The following PLXNC1 variants were observed in gnomAD, a reference collection of about 807,000 sequenced individuals.
The protein encoded by PLXNC1 is plexin-C1.
Under a neutral mutation model 178.2 loss-of-function variants are expected in PLXNC1, and 75 were observed. That is an observed-to-expected ratio of 0.42 (90% CI 0.35 to 0.51). The LOEUF is 0.51. PLXNC1 is among the 20% of genes least tolerant of loss of function. The probability of loss-of-function intolerance (pLI) is 0.02; values close to 1 mark genes in which losing one functional copy is unlikely to be tolerated. For missense variants in PLXNC1, 1,503 were observed against 1,984.4 expected (o/e 0.76, Z 4.61); for synonymous variants, 790 against 779.9 (o/e 1.01, Z -0.22).
intron 23 of PLXNC1, among the ~76,000 whole-genome samples, chr12:94,291,769 A>ATTCTT (rs1967353323): frequency 6.6e-6 from 1 of 152,120 alleles, no homozygotes; most frequent in South Asian, 2.1e-4. Flanking sequence ...CATTTCGTAT[A>ATTCTT]TTCTTTTTAG....
chr12:94,179,018 A>G (rs963964884), intron 2 of PLXNC1, among the ~76,000 whole-genome samples: 1 of 152,230 alleles, frequency 6.6e-6, no homozygotes, highest in African/African-American at 2.4e-5. Flanking sequence ...ATTTGCACCA[A>G]ATCCACCTGG....
intron 16 of PLXNC1, 138 bp downstream of exon 16, chr12:94,255,026 C>T: frequency 1.1e-6 from 1 of 920,222 alleles, no homozygotes; most frequent in Non-Finnish European, 1.7e-6. Context: ...GGGCCTGGGC[C>T]TGGCTTTGTG....
intron 4 of PLXNC1, among the ~76,000 whole-genome samples, chr12:94,200,099 G>GT (rs772442545): frequency 5.9e-5 from 9 of 152,168 alleles, no homozygotes; most frequent in Non-Finnish European, 1.2e-4. Flanking sequence ...AGCCAGGTTT[G>GT]TTTTTTGTTT....
chr12:94,202,983 C>T (rs114439268), intron 4 of PLXNC1, among the ~76,000 whole-genome samples: 29 of 152,152 alleles, frequency 1.9e-4, no homozygotes, highest in African/African-American at 7.0e-4. Flanking sequence ...CAGCTCTGTG[C>T]GTAAGAGTAA....
At chr12:94,282,048 A>G in intron 22 of PLXNC1, 2 of 415,368 alleles carry the variant, frequency 4.8e-6, no homozygotes, top group Non-Finnish European at 8.9e-6. Context: ...CATAGAATGC[A>G]TTATTTTGTC....
chr12:94,283,596 A>G (rs909260325), intron 23 of PLXNC1, among the ~76,000 whole-genome samples: 3 of 152,232 alleles, frequency 2.0e-5, no homozygotes, highest in Non-Finnish European at 4.4e-5. Flanking sequence ...CTGAGCGTTC[A>G]GGGATGAGAG....
At chr12:94,166,767 T>C (rs940354120) in intron 1 of PLXNC1, among the ~76,000 whole-genome samples, 2 of 151,774 alleles carry the variant, frequency 1.3e-5, no homozygotes, top group African/African-American at 4.8e-5. Context: ...CACTTACCCA[T>C]GCTACTTTTT....
Position 94,148,998 on chromosome 12 carries a change from G to C in PLXNC1, c.27G>C (p.Pro9=). 2.1e-6 allele frequency: 3 copies of C among 1,453,804 alleles called. No homozygotes were observed. Among genetic ancestry groups the C allele is most frequent in the Non-Finnish European group, 2.7e-6 (3 of 1,111,018 alleles). The allele number at this position is 1,453,804 out of a possible 1,614,324, so 90.1% of individuals were successfully genotyped here. MEVSRRKA[P]PRPPRPAAPL... is the part of the protein sequence containing the mutation. The stretch of plus-strand genomic sequence containing the variant: ...TGGAGGTCTCCCGGAGGAAGGCGCC[G>C]CCGCGCCCCCCGCGCCCCGCAGCGC... Residue 9 remains proline (P), a synonymous_variant, in exon 1 of 31, where the codon CCG becomes CCC. Transcript: ENST00000258526. This position sits in a 1 kb window ranked among gnomAD's most constrained non-coding sequence, Gnocchi z 4.8.
At chr12:94,197,718 C>G (rs1313867473) in intron 4 of PLXNC1, among the ~76,000 whole-genome samples, 1 of 152,112 alleles carries the variant, frequency 6.6e-6, no homozygotes, top group Non-Finnish European at 1.5e-5. Flanking sequence ...CATTATTCTG[C>G]CTACTACTGG....
At position 94,220,818 on chromosome 12, in the gene PLXNC1, A is replaced by G. The variant is rs144270779; in HGVS notation, c.1702+655A>G. On this transcript the variant is annotated intron_variant, in intron 6 of 30. Transcript: ENST00000258526. The stretch of plus-strand genomic sequence containing the variant: ...AGTGATGTCCAGACAAGGTGAGGGT[A>G]GAGTTGAGCCAGACAAAGACGATGG... 5.5e-3 allele frequency among the ~76,000 whole-genome samples: 840 copies of G among 152,324 alleles called. 11 individuals carry two copies. Among genetic ancestry groups the G allele is most frequent in the African/African-American group, 0.019 (802 of 41,574 alleles).
chr12:94,172,030 TG>T (rs2135944399), intron 2 of PLXNC1, among the ~76,000 whole-genome samples: 1 of 152,352 alleles, frequency 6.6e-6, no homozygotes, highest in South Asian at 2.1e-4. Flanking sequence ...GTGGATGATT[TG>T]GAAACTACCG....
At chr12:94,199,183 C>A (rs763621058) in intron 4 of PLXNC1, among the ~76,000 whole-genome samples, 1 of 152,192 alleles carries the variant, frequency 6.6e-6, no homozygotes, top group Admixed American at 6.5e-5. Flanking sequence ...TGGGGCTATC[C>A]GCCTTCATGG....
chr12:94,240,713 T>C (rs374068974), intron 11 of PLXNC1, 49 bp downstream of exon 11: 3 of 1,327,042 alleles, frequency 2.3e-6, no homozygotes, highest in Non-Finnish European at 3.2e-6. Context: ...AAAGGTCATA[T>C]GCCCAAAGAT....
At position 94,234,926 on chromosome 12, in the gene PLXNC1, A is replaced by G. The variant is rs7970991; in HGVS notation, c.1981-2738A>G. Among the ~76,000 whole-genome samples, 948 of 152,344 alleles carry G rather than the reference A, an allele frequency of 6.2e-3. 15 individuals carry two copies. The highest frequency in any genetic ancestry group is 0.022 in the African/African-American group (919 of 41,572). On this transcript the variant is annotated intron_variant, in intron 9 of 30. Coordinates refer to ENST00000258526, the MANE Select transcript of PLXNC1 (RefSeq NM_005761.3). ...AAAATCTTTATTGGTAAAAAGAAAG[A>G]ATGTATTTCTAAGAATTGTTGCAAC...
chr12:94,283,635 G>T (rs1176577746), intron 23 of PLXNC1, among the ~76,000 whole-genome samples: 2 of 152,324 alleles, frequency 1.3e-5, no homozygotes, highest in South Asian at 4.1e-4. Flanking sequence ...TGGGTTGGGG[G>T]AAGCCAGTGA....
intron 23 of PLXNC1, among the ~76,000 whole-genome samples, chr12:94,285,678 C>T (rs1966797066): frequency 2.6e-5 from 4 of 152,098 alleles, no homozygotes; most frequent in African/African-American, 9.7e-5. Flanking sequence ...AAGGTAATGG[C>T]CAGGAGGAGA....
chr12:94,256,754 A>G (rs1170858106), intron 17 of PLXNC1, among the ~76,000 whole-genome samples: 1 of 152,132 alleles, frequency 6.6e-6, no homozygotes, highest in Admixed American at 6.6e-5. Flanking sequence ...GTGGCCTGAA[A>G]AAAGAAATGT....
At chr12:94,235,762 A>G (rs552915125) in intron 9 of PLXNC1, among the ~76,000 whole-genome samples, 3 of 152,222 alleles carry the variant, frequency 2.0e-5, no homozygotes, top group African/African-American at 7.2e-5. Context: ...TTTGAATTTC[A>G]TGTGTTTTTA....
At chr12:94,267,388 G>A (rs1444839313) in intron 21 of PLXNC1, among the ~76,000 whole-genome samples, 1 of 152,058 alleles carries the variant, frequency 6.6e-6, no homozygotes, top group Non-Finnish European at 1.5e-5. Context: ...AAGACCATGT[G>A]TTTCTGATTT....
Sources: allele counts gnomAD v4.1 joint callset (sites outside exome capture counted in the v4.1 genomes callset), GRCh38; gene constraint gnomAD v4.1.1; non-coding constraint Gnocchi (gnomAD v3.1); transcripts MANE v1.5; gene names NCBI Gene and HGNC (gene_info 2026-07-23, HGNC 2026-07-21).